The following ARHGAP15 variants were observed in gnomAD, a reference collection of about 807,000 sequenced individuals.
ARHGAP15 encodes the protein Rho GTPase activating protein 15.
ARHGAP15 carries 51 observed loss-of-function variants against 63.7 expected under a neutral mutation model. The observed-to-expected ratio is 0.80, with a 90% CI of 0.64 to 1.01. The LOEUF is 1.01. Among genes scored for constraint, ARHGAP15 ranks in the 50% least tolerant of loss-of-function variants. The probability of loss-of-function intolerance (pLI) is 0.00; values close to 1 mark genes in which losing one functional copy is unlikely to be tolerated. For synonymous variants in ARHGAP15, 191 were observed against 193.8 expected (o/e 0.99, Z 0.12); for missense variants, 560 against 564.6 (o/e 0.99, Z 0.08).
chr2:143,409,748 C>T (rs932537712), intron 6 of ARHGAP15, among the ~76,000 whole-genome samples: 1 of 152,008 alleles, frequency 6.6e-6, no homozygotes, highest in African/African-American at 2.4e-5. Context: ...CTGTAGTGTT[C>T]AGTACAGTAA....
intron 13 of ARHGAP15, among the ~76,000 whole-genome samples, chr2:143,749,323 A>G (rs1450497654): frequency 2.0e-5 from 3 of 152,214 alleles, no homozygotes; most frequent in African/African-American, 7.2e-5. Context: ...TCCAATAAGT[A>G]TGAAATTGTT....
intron 11 of ARHGAP15, among the ~76,000 whole-genome samples, chr2:143,591,046 T>C (rs890597732): frequency 1.3e-5 from 2 of 152,218 alleles, no homozygotes; most frequent in African/African-American, 2.4e-5. Context: ...GAGTTATTTC[T>C]TCATAAAAAA....
chr2:143,552,567 G>T (rs557309981), intron 10 of ARHGAP15, among the ~76,000 whole-genome samples: 7 of 150,808 alleles, frequency 4.6e-5, no homozygotes, highest in African/African-American at 9.8e-5. Context: ...AAAAGTCGGG[G>T]TGGGGAGGCA....
chr2:143,767,913 T>C (rs2072974809), intron 13 of ARHGAP15, 76 bp from the exon 14 acceptor site: 1 of 1,398,528 alleles, frequency 7.2e-7, no homozygotes, highest in East Asian at 2.3e-5. Flanking sequence ...TGAGAAACCT[T>C]TTTTAATCAC....
chr2:143,379,936 G>T (rs1030573118), intron 6 of ARHGAP15, among the ~76,000 whole-genome samples: 8 of 151,824 alleles, frequency 5.3e-5, no homozygotes, highest in African/African-American at 1.9e-4. Context: ...AATTTGCAGT[G>T]GAACAGAGCA....
At chr2:143,519,623 T>C (rs1255551435) in intron 10 of ARHGAP15, 2 of 283,674 alleles carry the variant, frequency 7.1e-6, no homozygotes, top group East Asian at 1.8e-4. Context: ...TGCAAACTTC[T>C]TGTTTTCAAG....
At chr2:143,241,912 CAA>C (rs1186881412) in intron 5 of ARHGAP15, among the ~76,000 whole-genome samples, 1 of 152,138 alleles carries the variant, frequency 6.6e-6, no homozygotes, top group Non-Finnish European at 1.5e-5. Flanking sequence ...CAATGAGCTT[CAA>C]AGAGACGGAG....
At chr2:143,416,047 A>G (rs1406689262) in intron 6 of ARHGAP15, among the ~76,000 whole-genome samples, 1 of 151,990 alleles carries the variant, frequency 6.6e-6, no homozygotes, top group African/African-American at 2.4e-5. Context: ...GGTGATGGGT[A>G]CACCAACACC....
intron 13 of ARHGAP15, among the ~76,000 whole-genome samples, chr2:143,705,467 T>C (rs1684287526): frequency 6.6e-6 from 1 of 152,158 alleles, no homozygotes; most frequent in African/African-American, 2.4e-5. Context: ...CCATATCTTG[T>C]GGTTATGAGA....
At chr2:143,725,947 A>G (rs1318676720) in intron 13 of ARHGAP15, among the ~76,000 whole-genome samples, 2 of 152,246 alleles carry the variant, frequency 1.3e-5, no homozygotes, top group Non-Finnish European at 2.9e-5. Flanking sequence ...ATGGCTTGTA[A>G]AAGTTTTCCA....
chr2:143,420,879 G>A (rs532740070), intron 6 of ARHGAP15, among the ~76,000 whole-genome samples: 1 of 152,264 alleles, frequency 6.6e-6, no homozygotes, highest in Admixed American at 6.5e-5. Flanking sequence ...AGAAGGAGAG[G>A]CCATAACACT....
intron 12 of ARHGAP15, among the ~76,000 whole-genome samples, chr2:143,637,311 TTATTAA>T (rs1648155978): frequency 6.6e-6 from 1 of 152,146 alleles, no homozygotes; most frequent in Non-Finnish European, 1.5e-5. Context: ...GATTTTTTCC[TTATTAA>T]TATTATACTA....
intron 9 of ARHGAP15, 111 bp downstream of exon 9, chr2:143,487,606 C>A: frequency 1.6e-6 from 2 of 1,256,262 alleles, no homozygotes; most frequent in South Asian, 2.1e-5. Context: ...TCTTAGGTTG[C>A]TTATTAAATT....
chr2:143,505,848 G>C (rs374770993), intron 9 of ARHGAP15, among the ~76,000 whole-genome samples: 32 of 152,286 alleles, frequency 2.1e-4, no homozygotes, highest in Non-Finnish European at 3.5e-4. Context: ...CTTTTAACCT[G>C]AGGCTGAGAG....
intron 10 of ARHGAP15, among the ~76,000 whole-genome samples, chr2:143,547,110 A>G (rs1298033963): frequency 6.6e-6 from 1 of 152,162 alleles, no homozygotes; most frequent in Non-Finnish European, 1.5e-5. Context: ...AGAGATTTCC[A>G]AATGATCCTA....
chr2:143,586,307 C>T (rs1697105649), intron 11 of ARHGAP15, among the ~76,000 whole-genome samples: 1 of 151,954 alleles, frequency 6.6e-6, no homozygotes, highest in African/African-American at 2.4e-5. Flanking sequence ...AAATTTAAGT[C>T]CTTCTGTATT....
chr2:143,351,178 CTTGA>C (rs1685553602), intron 6 of ARHGAP15: 1 of 152,072 alleles, frequency 6.6e-6, no homozygotes, highest in South Asian at 2.1e-4. Flanking sequence ...AATATGAACT[CTTGA>C]TTGTTATTTA....
At chr2:143,272,615 T>G (rs1681345247) in intron 6 of ARHGAP15, among the ~76,000 whole-genome samples, 1 of 152,138 alleles carries the variant, frequency 6.6e-6, no homozygotes. Context: ...ATTGCGCCAC[T>G]GCACTCCAGC....
intron 8 of ARHGAP15, among the ~76,000 whole-genome samples, chr2:143,471,749 T>G (rs1040073999): frequency 2.0e-5 from 3 of 152,156 alleles, no homozygotes; most frequent in Non-Finnish European, 2.9e-5. Flanking sequence ...AAGACCAATC[T>G]GTTTGGAGTA....
Sources: allele counts gnomAD v4.1 joint callset (sites outside exome capture counted in the v4.1 genomes callset), GRCh38; gene constraint gnomAD v4.1.1; transcripts MANE v1.5; gene names NCBI Gene and HGNC (gene_info 2026-07-23, HGNC 2026-07-21).